The following AOPEP variants were observed in gnomAD, a reference collection of about 807,000 sequenced individuals.
AOPEP encodes the protein aminopeptidase O.
Under a neutral mutation model 98.1 loss-of-function variants are expected in AOPEP, and 77 were observed. The observed-to-expected ratio is 0.78, with a 90% confidence interval of 0.65 to 0.95. AOPEP has a LOEUF of 0.95. AOPEP is among the 40% of genes least tolerant of loss of function. The probability of loss-of-function intolerance (pLI) is 0.00; values close to 1 mark genes in which losing one functional copy is unlikely to be tolerated. For synonymous variants in AOPEP, 346 were observed against 365.3 expected, an observed-to-expected ratio of 0.95 and a Z score of 0.60; for missense variants, 1,024 against 1,024.7, an observed-to-expected ratio of 1.00 and a Z score of 0.01.
In AOPEP at chr9:95,011,259, C is replaced by A. The variant is rs180685982; in HGVS notation, c.2115+5643C>A. On this transcript the variant is annotated intron_variant, in intron 13 of 16. Transcript: ENST00000375315. ...TGATACGAAGTCTCACTCTGTCCCC[C>A]AGGCTGGAGTGCAGTGACCTCCACC... Among the ~76,000 whole-genome samples the A allele has an allele frequency of 2.2e-3, 318 of 147,294 alleles. 1 individual carries two copies. Among genetic ancestry groups the A allele is most frequent in the African/African-American group, 7.7e-3 (303 of 39,472 alleles).
chr9:94,963,865 T>G (rs1436526940), intron 9 of AOPEP, among the ~76,000 whole-genome samples: 1 of 152,238 alleles, frequency 6.6e-6, no homozygotes, highest in East Asian at 1.9e-4. Flanking sequence ...GACATTTTTC[T>G]TTTTATTTTC....
At chr9:94,758,922 C>CT (rs3840741) in intron 1 of AOPEP, among the ~76,000 whole-genome samples, 15 of 147,964 alleles carry the variant, frequency 1.0e-4, no homozygotes, top group African/African-American at 2.5e-4. Flanking sequence ...ATTTGCCTGC[C>CT]TTTTTTTTTT....
At chr9:94,854,179 C>T (rs529093440) in intron 5 of AOPEP, among the ~76,000 whole-genome samples, 3 of 152,166 alleles carry the variant, frequency 2.0e-5, no homozygotes, top group South Asian at 2.1e-4. Flanking sequence ...ATATGGTGGA[C>T]GGCAGTATTT....
the AOPEP span, among the ~76,000 whole-genome samples, chr9:95,131,362 A>G: frequency 6.6e-6 from 1 of 152,226 alleles, no homozygotes; most frequent in East Asian, 1.9e-4. Flanking sequence ...TTCACAGCTC[A>G]GCCTGAGTGG....
intron 5 of AOPEP, among the ~76,000 whole-genome samples, chr9:94,879,794 C>T (rs543211092): frequency 6.6e-6 from 1 of 152,268 alleles, no homozygotes; most frequent in Non-Finnish European, 1.5e-5. Flanking sequence ...TTTGGTAAAT[C>T]AAACATTGGT....
the AOPEP span, among the ~76,000 whole-genome samples, chr9:95,146,487 CA>C: frequency 1.1e-4 from 5 of 45,572 alleles, no homozygotes; most frequent in South Asian, 1.5e-3. Flanking sequence ...GACCCCATCT[CA>C]AAAAAAAAAA....
At chr9:94,773,917 T>C (rs1233045801) in intron 3 of AOPEP, among the ~76,000 whole-genome samples, 1 of 151,928 alleles carries the variant, frequency 6.6e-6, no homozygotes, top group East Asian at 1.9e-4. Flanking sequence ...AAGTGCATGC[T>C]ACCACGCCCA....
chr9:95,089,018 G>C (rs1470667514), downstream of AOPEP, among the ~76,000 whole-genome samples: 1 of 152,218 alleles, frequency 6.6e-6, no homozygotes, highest in Non-Finnish European at 1.5e-5. Flanking sequence ...GGAAGCCGGA[G>C]AGCAGCTCCG....
the AOPEP span, among the ~76,000 whole-genome samples, chr9:95,096,466 C>A: frequency 2.6e-5 from 4 of 152,102 alleles, no homozygotes; most frequent in African/African-American, 9.7e-5. Context: ...GTGGGCCCAC[C>A]TGGGATGTGG....
chr9:94,971,531 G>A (rs190721998), intron 10 of AOPEP, among the ~76,000 whole-genome samples: 3 of 152,132 alleles, frequency 2.0e-5, no homozygotes, highest in African/African-American at 4.8e-5. Flanking sequence ...CCTACCCCCC[G>A]GAGCCTCTAA....
chr9:94,850,357 A>G (rs1414059776), intron 5 of AOPEP, among the ~76,000 whole-genome samples: 1 of 152,200 alleles, frequency 6.6e-6, no homozygotes, highest in Non-Finnish European at 1.5e-5. Flanking sequence ...TTACCCACAG[A>G]TGTGGTCCTG....
intron 5 of AOPEP, among the ~76,000 whole-genome samples, chr9:94,827,978 G>A (rs1433049860): frequency 1.3e-5 from 2 of 152,150 alleles, no homozygotes; most frequent in Non-Finnish European, 2.9e-5. Flanking sequence ...TAAGAACAAG[G>A]GAGAGAACCA....
intron 5 of AOPEP, among the ~76,000 whole-genome samples, chr9:94,851,558 C>T (rs1469296058): frequency 6.6e-6 from 1 of 151,660 alleles, no homozygotes; most frequent in Non-Finnish European, 1.5e-5. Context: ...CGAGCCTTCC[C>T]TAACTTAACC....
chr9:94,874,157 A>T (rs73657007), intron 5 of AOPEP, among the ~76,000 whole-genome samples: 2,672 of 152,312 alleles, frequency 0.018, 83 homozygotes, highest in African/African-American at 0.061. Flanking sequence ...TATGATTATA[A>T]ATTTTTCAAA....
chr9:94,731,429 C>T (rs961868980), intron 1 of AOPEP, among the ~76,000 whole-genome samples: 3 of 152,002 alleles, frequency 2.0e-5, no homozygotes, highest in Non-Finnish European at 2.9e-5. Context: ...GGTTTCACTG[C>T]GTTAGCCAGG....
intron 3 of AOPEP, among the ~76,000 whole-genome samples, chr9:94,774,350 A>G (rs1056780912): frequency 6.6e-6 from 1 of 150,428 alleles, no homozygotes; most frequent in Non-Finnish European, 1.5e-5. Flanking sequence ...CTCCTTCCAC[A>G]TATTTATTAT....
chr9:94,867,180 A>G (rs574400638), intron 5 of AOPEP, among the ~76,000 whole-genome samples: 2 of 152,362 alleles, frequency 1.3e-5, no homozygotes, highest in South Asian at 4.1e-4. Context: ...TCAAGTTTAT[A>G]AAGCTTTTCT....
intron 13 of AOPEP, among the ~76,000 whole-genome samples, chr9:95,059,941 G>A (rs531346519): frequency 2.0e-5 from 3 of 152,308 alleles, no homozygotes; most frequent in East Asian, 3.9e-4. Flanking sequence ...CGAGTAACAC[G>A]GATGAAGTCT....
At chr9:94,990,202 T>G (rs2060805666) in intron 11 of AOPEP, among the ~76,000 whole-genome samples, 1 of 152,118 alleles carries the variant, frequency 6.6e-6, no homozygotes, top group African/African-American at 2.4e-5. Flanking sequence ...TAAGCCCCAC[T>G]CAATCACAAG....
Sources: gnomAD v4.1 joint callset for allele counts (sites outside exome capture counted in the v4.1 genomes callset) on GRCh38, gnomAD v4.1.1 for gene constraint, MANE v1.5 for transcripts, NCBI Gene and HGNC (gene_info 2026-07-23, HGNC 2026-07-21) for gene names.